The following GRID2 variants were observed in gnomAD, a reference collection of about 807,000 sequenced individuals.
GRID2 encodes glutamate receptor ionotropic, delta-2.
GRID2 carries 33 observed loss-of-function variants against 114.8 expected under a neutral mutation model. The observed-to-expected ratio is 0.29, with a 90% CI of 0.22 to 0.38. The LOEUF (loss-of-function observed/expected upper bound fraction) is 0.38. GRID2 is among the 10% of genes least tolerant of loss of function. GRID2 has a pLI of 1.00. For synonymous variants in GRID2, 505 were observed against 449.9 expected (o/e 1.12, Z -1.55); for missense variants, 1,184 against 1,257.7 (o/e 0.94, Z 0.89).
rs537229180 is a variant in GRID2 at position 93,678,274 on chromosome 4, A to G, written c.2360+51839A>G. ...CAAAGCCTCCAAGAAATATGGGAGTATGTGAAAAGACCAAATCTGCATCTG... is the reference window on the plus strand; with the variant it reads ...CAAAGCCTCCAAGAAATATGGGAGTGTGTGAAAAGACCAAATCTGCATCTG... On this transcript the variant is annotated intron_variant, in intron 14 of 15. Transcript: ENST00000282020. 1.4e-4 allele frequency among the ~76,000 whole-genome samples: 21 copies of G among 152,348 alleles called. No individual in the cohort carries two copies. The South Asian group carries it at 3.9e-3, about 29-fold the overall frequency.
intron 8 of GRID2, among the ~76,000 whole-genome samples, chr4:93,317,041 G>A (rs1756732758): frequency 6.6e-6 from 1 of 152,006 alleles, no homozygotes; most frequent in African/African-American, 2.4e-5. Context: ...CTTTTTTATA[G>A]GTTAAGCATT....
chr4:93,440,464 C>T (rs1378478717), intron 10 of GRID2, among the ~76,000 whole-genome samples: 1 of 151,884 alleles, frequency 6.6e-6, no homozygotes, highest in Admixed American at 6.6e-5. Flanking sequence ...ATTGAGTTTC[C>T]CAGAGTATGT....
intron 14 of GRID2, among the ~76,000 whole-genome samples, chr4:93,725,077 G>A (rs189745581): frequency 1.2e-4 from 18 of 152,206 alleles, no homozygotes; most frequent in Non-Finnish European, 1.5e-4. Context: ...TTGGTGTGCT[G>A]CACCCATTAA....
At chr4:93,601,819 C>T (rs1245240237) in intron 13 of GRID2, among the ~76,000 whole-genome samples, 1 of 152,066 alleles carries the variant, frequency 6.6e-6, no homozygotes, top group Non-Finnish European at 1.5e-5. Context: ...GAAAGACATT[C>T]TATCCTTATT....
At chr4:92,971,046 G>T (rs1243752394) in intron 2 of GRID2, among the ~76,000 whole-genome samples, 2 of 151,760 alleles carry the variant, frequency 1.3e-5, no homozygotes, top group Admixed American at 1.3e-4. Flanking sequence ...AGAAGACTCA[G>T]ACTTGGCTCA....
At chr4:93,694,864 T>G (rs1384269491) in intron 14 of GRID2, among the ~76,000 whole-genome samples, 1 of 152,024 alleles carries the variant, frequency 6.6e-6, no homozygotes, top group East Asian at 1.9e-4. Context: ...CTCCATATAT[T>G]TGTATCAAAG....
Position 93,007,654 on chromosome 4 carries a change from G to T in GRID2, c.245-77341G>T, listed in dbSNP as rs527822316. Among the ~76,000 whole-genome samples, 3 of 152,098 alleles carry T rather than the reference G, an allele frequency of 2.0e-5. No homozygotes were observed. The South Asian group carries it at 6.2e-4, about 32-fold the overall frequency. ...TAGTGAACACTGAATATATTTAATCGTAGATCCCAGGCTAAAACAAAGGTG... is the reference window on the plus strand; with the variant it reads ...TAGTGAACACTGAATATATTTAATCTTAGATCCCAGGCTAAAACAAAGGTG... On this transcript the variant is annotated intron_variant, in intron 2 of 15. Transcript: ENST00000282020.
At chr4:93,481,204 A>G (rs546023192) in intron 11 of GRID2, among the ~76,000 whole-genome samples, 30 of 152,206 alleles carry the variant, frequency 2.0e-4, no homozygotes, top group Admixed American at 7.2e-4. Flanking sequence ...TGGTGAGTCC[A>G]GAAGAGATCC....
chr4:92,513,921 C>T (rs1467496249), intron 1 of GRID2, among the ~76,000 whole-genome samples: 1 of 151,866 alleles, frequency 6.6e-6, no homozygotes, highest in Non-Finnish European at 1.5e-5. Context: ...TTACCAGTTT[C>T]TTCAGGATTT....
intron 9 of GRID2, among the ~76,000 whole-genome samples, chr4:93,408,011 A>C (rs1009399441): frequency 2.0e-5 from 3 of 152,196 alleles, no homozygotes; most frequent in African/African-American, 7.2e-5. Flanking sequence ...ATAACAAGCT[A>C]GGATGGTGTT....
intron 2 of GRID2, among the ~76,000 whole-genome samples, chr4:92,918,454 T>G (rs899441601): frequency 6.6e-6 from 1 of 152,116 alleles, no homozygotes; most frequent in Non-Finnish European, 1.5e-5. Flanking sequence ...ATGCTTCCAG[T>G]TTTTGCCCAC....
chr4:93,228,371 G>A (rs965637236), intron 7 of GRID2, among the ~76,000 whole-genome samples: 15 of 152,122 alleles, frequency 9.9e-5, no homozygotes, highest in Non-Finnish European at 2.1e-4. Flanking sequence ...TGCAATAACA[G>A]CATTAATCCG....
At chr4:93,110,703 G>A (rs2149351300) in intron 3 of GRID2, 45 bp from the exon 4 acceptor site, 1 of 1,251,800 alleles carries the variant, frequency 8.0e-7, no homozygotes, top group East Asian at 2.3e-5. Context: ...CCTTCCTTCT[G>A]TACAATAATT....
chr4:92,606,938 T>A (rs1300055140), intron 2 of GRID2, among the ~76,000 whole-genome samples: 1 of 152,036 alleles, frequency 6.6e-6, no homozygotes, highest in Non-Finnish European at 1.5e-5. Flanking sequence ...ATAAAATCTG[T>A]ATGTTCATGG....
intron 2 of GRID2, among the ~76,000 whole-genome samples, chr4:92,924,523 C>G (rs892568166): frequency 5.3e-5 from 8 of 152,018 alleles, no homozygotes; most frequent in African/African-American, 1.9e-4. Flanking sequence ...AACAGCCTAA[C>G]TTTTTAGATA....
At chr4:93,181,310 G>C (rs1739874173) in intron 4 of GRID2, among the ~76,000 whole-genome samples, 1 of 152,116 alleles carries the variant, frequency 6.6e-6, no homozygotes, top group South Asian at 2.1e-4. Context: ...TAAATATTTA[G>C]TAAACCATGC....
At chr4:93,791,760 C>A (rs753530101) in intron 1 of GRID2, among the ~76,000 whole-genome samples, 5 of 152,144 alleles carry the variant, frequency 3.3e-5, no homozygotes, top group African/African-American at 7.2e-5. Context: ...CAGACTGACT[C>A]CCTGCTGTCT....
At chr4:93,336,663 G>C (rs1281054804) in intron 8 of GRID2, among the ~76,000 whole-genome samples, 2 of 152,138 alleles carry the variant, frequency 1.3e-5, no homozygotes, top group Admixed American at 6.5e-5. Flanking sequence ...CTCAACAGTA[G>C]CATGTAAGTC....
At chr4:93,413,624 T>A (rs1020548568) in intron 9 of GRID2, among the ~76,000 whole-genome samples, 1 of 152,232 alleles carries the variant, frequency 6.6e-6, no homozygotes, top group African/African-American at 2.4e-5. Flanking sequence ...TATTTTAATT[T>A]GTATTCCCCA....
Sources: allele counts gnomAD v4.1 joint callset (sites outside exome capture counted in the v4.1 genomes callset), GRCh38; gene constraint gnomAD v4.1.1; transcripts MANE v1.5; gene names NCBI Gene and HGNC (gene_info 2026-07-23, HGNC 2026-07-21).